Variants in UTP20 observed in about 807,000 individuals in gnomAD.
The protein encoded by UTP20 is small subunit processome component 20 homolog.
Under a neutral mutation model 329.5 loss-of-function variants are expected in UTP20, and 164 were observed. That is an observed-to-expected ratio of 0.50 (90% confidence interval 0.44 to 0.57). UTP20 has a LOEUF of 0.57. Among genes scored for constraint, UTP20 ranks in the 20% least tolerant of loss-of-function variants. UTP20 has a pLI of 0.00. For synonymous variants in UTP20, 1,151 were observed against 1,159.3 expected, an observed-to-expected ratio of 0.99 and a Z score of 0.14; for missense variants, 3,055 against 3,284.2, an observed-to-expected ratio of 0.93 and a Z score of 1.71.
intron 26 of UTP20, among the ~76,000 whole-genome samples, chr12:101,328,114 G>C (rs1444557504): frequency 6.6e-6 from 1 of 152,162 alleles, no homozygotes; most frequent in Admixed American, 6.5e-5. Flanking sequence ...AGGGTATTCT[G>C]TTGCATTTGT....
chr12:101,365,446 GT>G lies in UTP20; in HGVS notation c.5959-9del. On this transcript the variant is annotated splice_polypyrimidine_tract_variant and intron_variant, in intron 45 of 61. Transcript: ENST00000261637. ...TGTGTCATCTCAGCATGACATTTAT[GT>G]TTTGCCTTTAGATCTTACAAAATAC... 6.3e-7 allele frequency: 1 copy of G among 1,588,028 alleles called. No individual in the cohort carries two copies. Among genetic ancestry groups the G allele is most frequent in the East Asian group, 2.3e-5 (1 of 44,254 alleles).
At chr12:101,365,973 G>A (rs547825324) in intron 46 of UTP20, among the ~76,000 whole-genome samples, 3 of 152,198 alleles carry the variant, frequency 2.0e-5, no homozygotes, top group Admixed American at 6.5e-5. Context: ...GCTCATGCCT[G>A]TAATCCCAGC....
At chr12:101,298,134 A>T (rs557248543) in intron 12 of UTP20, among the ~76,000 whole-genome samples, 1 of 152,346 alleles carries the variant, frequency 6.6e-6, no homozygotes, top group Middle Eastern at 3.4e-3. Flanking sequence ...TAGGAGATAA[A>T]CTTACTGTCG....
chr12:101,292,714 TG>T (rs1348267475), intron 10 of UTP20, among the ~76,000 whole-genome samples: 1 of 152,170 alleles, frequency 6.6e-6, no homozygotes, highest in African/African-American at 2.4e-5. Flanking sequence ...TGATATGACA[TG>T]ATATCAGCAA....
At chr12:101,363,441 C>A in intron 44 of UTP20, 135 bp from the exon 45 acceptor site, 1 of 708,810 alleles carries the variant, frequency 1.4e-6, no homozygotes, top group Non-Finnish European at 2.2e-6. Context: ...AAAGAAATTT[C>A]TTCCATCTAA....
intron 26 of UTP20, among the ~76,000 whole-genome samples, chr12:101,328,284 T>G (rs1321202960): frequency 6.6e-6 from 1 of 152,230 alleles, no homozygotes; most frequent in African/African-American, 2.4e-5. Flanking sequence ...GATACTCTTA[T>G]GGATGGCCCG....
intron 45 of UTP20, among the ~76,000 whole-genome samples, chr12:101,364,843 C>T (rs928060580): frequency 6.6e-6 from 1 of 152,106 alleles, no homozygotes; most frequent in Admixed American, 6.5e-5. Flanking sequence ...CAACAGAGCA[C>T]ATATATCCGT....
At chr12:101,358,708 AT>A (rs1869808165) in intron 43 of UTP20, among the ~76,000 whole-genome samples, 1 of 151,702 alleles carries the variant, frequency 6.6e-6, no homozygotes, top group African/African-American at 2.4e-5. Flanking sequence ...ATATTGTTCT[AT>A]TTCCTTCTAG....
At position 101,301,354 on chromosome 12, in the gene UTP20, G is replaced by A. The variant is rs552094573; in HGVS notation, c.1676-1094G>A. Among the ~76,000 whole-genome samples the A allele has an allele frequency of 2.7e-5, 4 of 147,822 alleles. No individual in the cohort carries two copies. The East Asian group carries it at 8.3e-4, about 31-fold the overall frequency. ...GGGACACATAGTGAGAGCCCCCCCCGCCCAACTCTGACTCTCTATTTAAAA... is the reference window on the plus strand; with the variant it reads ...GGGACACATAGTGAGAGCCCCCCCCACCCAACTCTGACTCTCTATTTAAAA... On this transcript the variant is annotated intron_variant, in intron 14 of 61. Transcript: ENST00000261637.
chr12:101,342,357 A>G (rs1869168048), intron 32 of UTP20, 89 bp from the exon 33 acceptor site: 2 of 1,075,446 alleles, frequency 1.9e-6, no homozygotes, highest in South Asian at 2.5e-5. Context: ...CTTATTCACA[A>G]TTGTTTTCTA....
chr12:101,314,134 G>T (rs1289518478), intron 21 of UTP20, among the ~76,000 whole-genome samples: 1 of 152,212 alleles, frequency 6.6e-6, no homozygotes, highest in Admixed American at 6.5e-5. Flanking sequence ...TAAGGAACCA[G>T]CAAAGGAAGC....
At chr12:101,378,801 G>T (rs1363904239) in intron 56 of UTP20, among the ~76,000 whole-genome samples, 1 of 152,054 alleles carries the variant, frequency 6.6e-6, no homozygotes, top group African/African-American at 2.4e-5. Flanking sequence ...TTATGGAACT[G>T]GTCTGTTTGA....
chr12:101,326,984 A>T, intron 25 of UTP20, 97 bp from the exon 26 acceptor site: 2 of 1,177,456 alleles, frequency 1.7e-6, no homozygotes, highest in African/African-American at 1.5e-5. Context: ...ATATCCATTT[A>T]AATCTATTGA....
intron 22 of UTP20, among the ~76,000 whole-genome samples, chr12:101,319,153 A>G (rs1228141642): frequency 6.6e-6 from 1 of 152,208 alleles, no homozygotes; most frequent in Non-Finnish European, 1.5e-5. Context: ...TATTTACATT[A>G]TAATAAAGTG....
chr12:101,385,339 G>A (rs974308467), intron 60 of UTP20, among the ~76,000 whole-genome samples: 1 of 152,126 alleles, frequency 6.6e-6, no homozygotes, highest in African/African-American at 2.4e-5. Context: ...GTGGTGGCTG[G>A]AGTGCTATGT....
chr12:101,353,059 A>C lies in UTP20; in HGVS notation c.5037A>C (p.Ile1679=), dbSNP rs201043052. 6.4e-6 allele frequency: 10 copies of C among 1,562,458 alleles called. No homozygotes were observed. The highest frequency in any genetic ancestry group is 8.7e-6 in the Non-Finnish European group (10 of 1,149,046). ...TTTTTTTTAACAGTTTGCTAGTAAT[A>C]GTGTTAGAAGCATTCCACTTTGACC... ...NQKLGVSLLV[I]VLEAFHFDHK... is the part of the protein sequence containing the mutation. The change falls in exon 40 of 62, where the codon ATA becomes ATC. Residue 1679 remains isoleucine (I), a synonymous_variant. Coordinates refer to ENST00000261637, the MANE Select transcript of UTP20 (RefSeq NM_014503.3).
intron 2 of UTP20, among the ~76,000 whole-genome samples, chr12:101,281,664 T>C (rs1871800877): frequency 6.6e-6 from 1 of 152,184 alleles, no homozygotes. Flanking sequence ...TTTCCAGTTT[T>C]AACCATACTC....
At chr12:101,287,621 C>T (rs1872001832) in intron 5 of UTP20, among the ~76,000 whole-genome samples, 1 of 152,152 alleles carries the variant, frequency 6.6e-6, no homozygotes, top group South Asian at 2.1e-4. Flanking sequence ...ATGCCAGGCC[C>T]TGTTTGGTTG....
chr12:101,377,611 T>C (rs1390546559), intron 56 of UTP20, among the ~76,000 whole-genome samples: 2 of 152,192 alleles, frequency 1.3e-5, no homozygotes, highest in African/African-American at 2.4e-5. Context: ...ATTACAGGCA[T>C]GAGGCACTGC....
Sources: gnomAD v4.1 joint callset for allele counts (sites outside exome capture counted in the v4.1 genomes callset) on GRCh38, gnomAD v4.1.1 for gene constraint, MANE v1.5 for transcripts, NCBI Gene and HGNC (gene_info 2026-07-23, HGNC 2026-07-21) for gene names.